The following SYNDIG1 variants were observed in gnomAD, a reference collection of about 807,000 sequenced individuals.
SYNDIG1 encodes synapse differentiation-inducing gene protein 1.
Under a neutral mutation model 19.4 loss-of-function variants are expected in SYNDIG1, and 9 were observed. That is an observed-to-expected ratio of 0.46 (90% CI 0.28 to 0.81). The LOEUF is 0.81. Among genes scored for constraint, SYNDIG1 ranks in the 30% least tolerant of loss-of-function variants. The pLI is 0.12. For synonymous variants in SYNDIG1, 141 were observed against 145.9 expected (o/e 0.97, Z 0.24); for missense variants, 311 against 343.3 (o/e 0.91, Z 0.74).
intron 1 of SYNDIG1, among the ~76,000 whole-genome samples, chr20:24,519,766 C>A (rs2056964220): frequency 6.6e-6 from 1 of 151,826 alleles, no homozygotes; most frequent in African/African-American, 2.4e-5. Context: ...CTTTCTCTTT[C>A]TCCCTCCTTC....
In SYNDIG1 at chr20:24,512,350, G is replaced by A. The variant is rs531907134; in HGVS notation, c.-78-30670G>A. Among the ~76,000 whole-genome samples, 103 of 151,122 alleles carry A rather than the reference G, an allele frequency of 6.8e-4. 1 individual carries two copies. The highest frequency in any genetic ancestry group is 1.9e-3 in the African/African-American group (78 of 41,178). ...CCAAAGCAGGGCGAGGCATTGCCTC[G>A]CCCGGGAAGCACAGGGGGTCAGGGA... On this transcript the variant is annotated intron_variant, in intron 1 of 3. Transcript: ENST00000376862.
At chr20:24,560,323 A>G (rs1575872) in intron 2 of SYNDIG1, among the ~76,000 whole-genome samples, 36,166 of 151,570 alleles carry the variant, frequency 0.24, 4,615 homozygotes, top group Admixed American at 0.34. Flanking sequence ...TAGCAAATAC[A>G]TTGTTATGCT....
chr20:24,631,025 T>A (rs184687637), intron 3 of SYNDIG1, among the ~76,000 whole-genome samples: 25 of 152,330 alleles, frequency 1.6e-4, no homozygotes, highest in Non-Finnish European at 3.2e-4. Flanking sequence ...ACTGAGGCGG[T>A]CATAGACACC....
chr20:24,645,266 T>C (rs549746022), intron 3 of SYNDIG1, among the ~76,000 whole-genome samples: 3 of 152,290 alleles, frequency 2.0e-5, no homozygotes, highest in African/African-American at 7.2e-5. Flanking sequence ...AAAACACCCA[T>C]GTTAATTACT....
chr20:24,594,990 T>C (rs937013338), intron 3 of SYNDIG1, among the ~76,000 whole-genome samples: 2 of 152,224 alleles, frequency 1.3e-5, no homozygotes, highest in African/African-American at 4.8e-5. Context: ...TCTTTCTATT[T>C]GGATGCCTTT....
At chr20:24,497,479 G>A (rs2056332559) in intron 1 of SYNDIG1, among the ~76,000 whole-genome samples, 1 of 152,216 alleles carries the variant, frequency 6.6e-6, no homozygotes, top group Non-Finnish European at 1.5e-5. Context: ...GGGATTACAG[G>A]TGTGAGCCAC....
At chr20:24,596,396 T>A (rs2058595164) in intron 3 of SYNDIG1, among the ~76,000 whole-genome samples, 1 of 152,150 alleles carries the variant, frequency 6.6e-6, no homozygotes, top group Non-Finnish European at 1.5e-5. Flanking sequence ...TTTTTTCTTT[T>A]GAGATGGAGT....
chr20:24,542,793 G>C (rs1568625615), intron 1 of SYNDIG1, among the ~76,000 whole-genome samples: 1 of 152,216 alleles, frequency 6.6e-6, no homozygotes, highest in Non-Finnish European at 1.5e-5. Context: ...TTTGGAAGCA[G>C]AGACTTTATA....
chr20:24,590,268 T>C (rs1368631368), intron 3 of SYNDIG1, among the ~76,000 whole-genome samples: 1 of 94,150 alleles, frequency 1.1e-5, no homozygotes, highest in African/African-American at 4.3e-5. Flanking sequence ...GTGGGGCAGG[T>C]GGGGCCGGCG....
intron 1 of SYNDIG1, among the ~76,000 whole-genome samples, chr20:24,499,432 T>C (rs2056387864): frequency 6.6e-6 from 1 of 152,220 alleles, no homozygotes; most frequent in African/African-American, 2.4e-5. Flanking sequence ...GGCACAGTTA[T>C]TTCTGGCAGT....
At chr20:24,530,874 T>G (rs189100873) in intron 1 of SYNDIG1, among the ~76,000 whole-genome samples, 1 of 150,312 alleles carries the variant, frequency 6.7e-6, no homozygotes, top group African/African-American at 2.5e-5. Flanking sequence ...AGTGGTGCAA[T>G]CTCTGCTCAC....
intron 1 of SYNDIG1, among the ~76,000 whole-genome samples, chr20:24,470,595 G>A (rs2055405891): frequency 6.6e-6 from 1 of 152,222 alleles, no homozygotes; most frequent in South Asian, 2.1e-4. Context: ...TGAGGAGGAA[G>A]GAATGGCTCA....
At chr20:24,522,440 C>T (rs893101560) in intron 1 of SYNDIG1, among the ~76,000 whole-genome samples, 1 of 152,092 alleles carries the variant, frequency 6.6e-6, no homozygotes, top group Non-Finnish European at 1.5e-5. Flanking sequence ...CCAGTGGACT[C>T]CCTGCTTTGA....
At chr20:24,498,281 TTTATTA>T (rs1188742202) in intron 1 of SYNDIG1, among the ~76,000 whole-genome samples, 2 of 152,200 alleles carry the variant, frequency 1.3e-5, no homozygotes, top group African/African-American at 4.8e-5. Flanking sequence ...ACCCCATTTA[TTTATTA>T]TTATTAGTAG....
chr20:24,624,828 G>A (rs190866744), intron 3 of SYNDIG1, among the ~76,000 whole-genome samples: 3 of 152,166 alleles, frequency 2.0e-5, no homozygotes, highest in Admixed American at 2.0e-4. Context: ...ATTAAAAACA[G>A]TAGAGAAAAT....
chr20:24,498,893 G>A (rs2056370057), intron 1 of SYNDIG1, among the ~76,000 whole-genome samples: 1 of 152,210 alleles, frequency 6.6e-6, no homozygotes, highest in Non-Finnish European at 1.5e-5. Context: ...GCGGCATCCA[G>A]ATGCACAACC....
intron 3 of SYNDIG1, among the ~76,000 whole-genome samples, chr20:24,663,063 T>C (rs8114266): frequency 0.076 from 11,510 of 152,326 alleles, 530 homozygotes; most frequent in Non-Finnish European, 0.099. Flanking sequence ...AAAAGGTTCA[T>C]ATCAGGTAAA....
intron 1 of SYNDIG1, among the ~76,000 whole-genome samples, chr20:24,507,764 G>A (rs543947441): frequency 2.2e-4 from 33 of 152,330 alleles, no homozygotes; most frequent in African/African-American, 7.9e-4. Flanking sequence ...CAGAAGAGAA[G>A]CAGGCAGCAG....
intron 2 of SYNDIG1, among the ~76,000 whole-genome samples, chr20:24,564,888 G>A (rs1483570826): frequency 1.3e-5 from 2 of 152,208 alleles, no homozygotes; most frequent in African/African-American, 4.8e-5. Context: ...GATTCCAGAA[G>A]AAAAGATGTT....
Sources: gnomAD v4.1 joint callset for allele counts (sites outside exome capture counted in the v4.1 genomes callset) on GRCh38, gnomAD v4.1.1 for gene constraint, MANE v1.5 for transcripts, NCBI Gene and HGNC (gene_info 2026-07-23, HGNC 2026-07-21) for gene names.